The following EXOC4 variants were observed in gnomAD, a reference collection of about 807,000 sequenced individuals.
EXOC4 encodes SEC8-like 1.
EXOC4 carries 71 observed loss-of-function variants against 107.2 expected under a neutral mutation model. The observed-to-expected ratio is 0.66, with a 90% CI of 0.55 to 0.81. EXOC4 has a LOEUF of 0.81. Ranked by LOEUF, EXOC4 falls within the 30% of genes least tolerant of loss-of-function variation. The probability of loss-of-function intolerance (pLI) is 0.00; values close to 1 mark genes in which losing one functional copy is unlikely to be tolerated. For synonymous variants in EXOC4, 456 were observed against 441.2 expected, an observed-to-expected ratio of 1.03 and a Z score of -0.42; for missense variants, 1,108 against 1,189.6, an observed-to-expected ratio of 0.93 and a Z score of 1.01.
At position 133,850,635 on chromosome 7, in the gene EXOC4, C is replaced by CCCCCCTG. The variant is rs1350912183; in HGVS notation, c.1734+33096_1734+33097insTGCCCCC. The stretch of plus-strand genomic sequence containing the variant: ...GAGGGCTTAAAGGTTATCTAGGTTA[C>CCCCCCTG]CCCCCCACACACACACACACCCATG... On this transcript the variant is annotated intron_variant, in intron 11 of 17. Coordinates refer to ENST00000253861, the MANE Select transcript of EXOC4 (RefSeq NM_021807.4). Among the ~76,000 whole-genome samples the CCCCCCTG allele has an allele frequency of 3.0e-3, 353 of 118,718 alleles. 4 individuals carry two copies. The highest frequency in any genetic ancestry group is 0.01 in the African/African-American group (330 of 32,270). 77.9% of individuals were successfully genotyped at this position (118,718 alleles called of 152,430 possible).
intron 3 of EXOC4, among the ~76,000 whole-genome samples, chr7:133,304,828 TA>T (rs1188354842): frequency 6.6e-6 from 1 of 152,238 alleles, no homozygotes; most frequent in Non-Finnish European, 1.5e-5. Context: ...CCTTTATCTG[TA>T]CCTATTAGGA....
At chr7:133,312,469 A>T (rs761539986) in intron 4 of EXOC4, among the ~76,000 whole-genome samples, 28 of 152,176 alleles carry the variant, frequency 1.8e-4, no homozygotes, top group Non-Finnish European at 2.2e-4. Context: ...GGGAGGTAGA[A>T]ATTCTTTTAT....
At chr7:133,933,973 A>G (rs1161985812) in intron 13 of EXOC4, among the ~76,000 whole-genome samples, 2 of 150,776 alleles carry the variant, frequency 1.3e-5, no homozygotes, top group African/African-American at 2.4e-5. Context: ...GCATATAGAT[A>G]TCCAACCTTT....
intron 8 of EXOC4, among the ~76,000 whole-genome samples, chr7:133,477,839 T>G (rs935073859): frequency 6.6e-6 from 1 of 152,224 alleles, no homozygotes; most frequent in African/African-American, 2.4e-5. Flanking sequence ...CAAGTTCCTA[T>G]TAAGCTCTAG....
chr7:133,521,710 C>G (rs907243401), intron 9 of EXOC4, among the ~76,000 whole-genome samples: 1 of 152,018 alleles, frequency 6.6e-6, no homozygotes, highest in South Asian at 2.1e-4. Flanking sequence ...ACCTCTGCCT[C>G]CTGGGCTCAA....
intron 10 of EXOC4, among the ~76,000 whole-genome samples, chr7:133,716,024 C>T (rs952954202): frequency 6.6e-6 from 1 of 152,178 alleles, no homozygotes; most frequent in African/African-American, 2.4e-5. Context: ...AGGTGGAAGG[C>T]ACATGGTATC....
At chr7:133,585,955 A>G (rs756873138) in intron 9 of EXOC4, among the ~76,000 whole-genome samples, 6 of 152,162 alleles carry the variant, frequency 3.9e-5, no homozygotes, top group Non-Finnish European at 8.8e-5. Context: ...TCGGCCTCCC[A>G]GAGTGCTGGG....
At chr7:133,640,894 A>T (rs1189032094) in intron 10 of EXOC4, among the ~76,000 whole-genome samples, 1 of 150,396 alleles carries the variant, frequency 6.6e-6, no homozygotes, top group Non-Finnish European at 1.5e-5. Flanking sequence ...AAGAGAGAGG[A>T]TCTTGCTGTG....
intron 17 of EXOC4, among the ~76,000 whole-genome samples, chr7:134,014,545 A>G (rs538184375): frequency 7.2e-5 from 11 of 152,180 alleles, no homozygotes; most frequent in Non-Finnish European, 1.3e-4. Context: ...AGAAGCTAGT[A>G]ACAAAAAGCT....
intron 1 of EXOC4, among the ~76,000 whole-genome samples, chr7:133,274,751 A>G (rs564884965): frequency 3.9e-5 from 6 of 152,330 alleles, no homozygotes; most frequent in East Asian, 1.9e-4. Flanking sequence ...TCTAATGCCA[A>G]TGACAGAAGA....
intron 9 of EXOC4, among the ~76,000 whole-genome samples, chr7:133,532,610 G>A (rs1800201246): frequency 6.6e-6 from 1 of 152,092 alleles, no homozygotes. Context: ...TTCTAGAAGT[G>A]AATAGGACTT....
At chr7:133,739,222 T>TGTGTGTGTG (rs1795510845) in intron 10 of EXOC4, among the ~76,000 whole-genome samples, 3 of 142,308 alleles carry the variant, frequency 2.1e-5, no homozygotes, top group Admixed American at 7.1e-5. Flanking sequence ...GTAGAGGGGT[T>TGTGTGTGTG]TGTGTGTGTG....
intron 17 of EXOC4, among the ~76,000 whole-genome samples, chr7:134,030,405 C>T (rs896851610): frequency 2.0e-5 from 3 of 152,164 alleles, no homozygotes; most frequent in African/African-American, 7.2e-5. Flanking sequence ...CCATAGTGGA[C>T]TTGAAGTACT....
intron 7 of EXOC4, among the ~76,000 whole-genome samples, chr7:133,449,721 TTGTG>T (rs58843853): frequency 1.0e-4 from 15 of 147,890 alleles, no homozygotes; most frequent in Admixed American, 1.3e-4. Flanking sequence ...GAAAATACAT[TTGTG>T]TGTGTGTGTG....
chr7:133,689,784 C>A (rs1410349028), intron 10 of EXOC4, among the ~76,000 whole-genome samples: 1 of 152,208 alleles, frequency 6.6e-6, no homozygotes. Flanking sequence ...GAGCCAGACT[C>A]AGGTTTGGTC....
At chr7:133,949,834 T>G (rs1385438387) in intron 14 of EXOC4, among the ~76,000 whole-genome samples, 2 of 152,220 alleles carry the variant, frequency 1.3e-5, no homozygotes, top group Non-Finnish European at 2.9e-5. Flanking sequence ...CAGCCAGATA[T>G]GACAAGTCAT....
chr7:133,657,610 G>A (rs1397988609), intron 10 of EXOC4, among the ~76,000 whole-genome samples: 1 of 152,036 alleles, frequency 6.6e-6, no homozygotes, highest in Non-Finnish European at 1.5e-5. Flanking sequence ...CCTTGGTTGA[G>A]TTTGGGCTCA....
intron 3 of EXOC4, among the ~76,000 whole-genome samples, chr7:133,297,553 A>C (rs925410011): frequency 2.0e-5 from 3 of 152,208 alleles, no homozygotes; most frequent in African/African-American, 7.2e-5. Context: ...AAATTACATT[A>C]TCTCTCTGTT....
chr7:133,327,071 G>C (rs994254031), intron 5 of EXOC4, among the ~76,000 whole-genome samples: 2 of 152,116 alleles, frequency 1.3e-5, no homozygotes. Flanking sequence ...GCAGTATTAG[G>C]GTGGGAGTGT....
Sources: gnomAD v4.1 joint callset for allele counts (sites outside exome capture counted in the v4.1 genomes callset) on GRCh38, gnomAD v4.1.1 for gene constraint, MANE v1.5 for transcripts, NCBI Gene and HGNC (gene_info 2026-07-23, HGNC 2026-07-21) for gene names.